CFAP299: variants seen among roughly 807,000 people sequenced by gnomAD.
The protein encoded by CFAP299 is cilia and flagella associated protein 299, also known as cilia- and flagella-associated protein 299.
A neutral mutation model predicts 27.0 loss-of-function variants in CFAP299; 21 were observed. The ratio of observed to expected loss-of-function variants is 0.78; its 90% CI spans 0.55 to 1.12. The LOEUF is 1.12. Ranked by LOEUF, CFAP299 falls within the 50% of genes most tolerant of loss-of-function variation. The pLI is 0.00. For missense variants in CFAP299, 310 were observed against 276.6 expected, an observed-to-expected ratio of 1.12 and a Z score of -0.86; for synonymous variants, 104 against 98.1, an observed-to-expected ratio of 1.06 and a Z score of -0.36.
intron 4 of CFAP299, among the ~76,000 whole-genome samples, chr4:80,878,720 G>A (rs1560459698): frequency 6.6e-6 from 1 of 152,062 alleles, no homozygotes; most frequent in African/African-American, 2.4e-5. Context: ...TAAATTAGAA[G>A]AAAGGATAGT....
At chr4:80,845,258 C>A (rs1187998331) in intron 3 of CFAP299, among the ~76,000 whole-genome samples, 2 of 149,632 alleles carry the variant, frequency 1.3e-5, no homozygotes. Flanking sequence ...TTCATACCAC[C>A]ATCTGCTCAA....
intron 3 of CFAP299, among the ~76,000 whole-genome samples, chr4:80,774,143 T>C (rs1330981528): frequency 1.3e-5 from 2 of 151,964 alleles, no homozygotes; most frequent in Non-Finnish European, 2.9e-5. Flanking sequence ...GTCAGATAAC[T>C]TAAAATTTGA....
At chr4:80,663,873 T>C (rs1038443539) in intron 3 of CFAP299, among the ~76,000 whole-genome samples, 9 of 152,228 alleles carry the variant, frequency 5.9e-5, no homozygotes, top group African/African-American at 9.6e-5. Flanking sequence ...GATTTGCATT[T>C]CTCTAATGAC....
chr4:80,723,911 CAAAT>C (rs1578060421), intron 3 of CFAP299, among the ~76,000 whole-genome samples: 1 of 151,772 alleles, frequency 6.6e-6, no homozygotes, highest in Non-Finnish European at 1.5e-5. Flanking sequence ...AAAATTTAAT[CAAAT>C]AAACAGTTTC....
intron 3 of CFAP299, among the ~76,000 whole-genome samples, chr4:80,721,061 T>A (rs137862018): frequency 1.2e-3 from 180 of 152,170 alleles, no homozygotes; most frequent in African/African-American, 4.2e-3. Flanking sequence ...CTTCAAAAAT[T>A]AAACACAGAA....
At chr4:80,536,944 G>A (rs530125115) in intron 2 of CFAP299, among the ~76,000 whole-genome samples, 1 of 152,106 alleles carries the variant, frequency 6.6e-6, no homozygotes, top group African/African-American at 2.4e-5. Context: ...GAAAATGGTT[G>A]CAAACCATAC....
At chr4:80,812,031 G>A (rs950654466) in intron 3 of CFAP299, among the ~76,000 whole-genome samples, 36 of 152,058 alleles carry the variant, frequency 2.4e-4, no homozygotes, top group Admixed American at 2.1e-3. Context: ...TAGCGGACAC[G>A]TAGTTTCAAC....
intron 2 of CFAP299, among the ~76,000 whole-genome samples, chr4:80,399,568 A>G (rs562956090): frequency 1.3e-5 from 2 of 152,106 alleles, no homozygotes; most frequent in African/African-American, 4.8e-5. Context: ...GGAAACCATC[A>G]TTCTCAGCAA....
At chr4:80,545,723 G>A (rs1046881589) in intron 2 of CFAP299, among the ~76,000 whole-genome samples, 2 of 152,136 alleles carry the variant, frequency 1.3e-5, no homozygotes, top group Non-Finnish European at 2.9e-5. Flanking sequence ...AAGGAGGAGG[G>A]ACTCCTCTCT....
chr4:80,861,465 C>T (rs1028740210), intron 3 of CFAP299, among the ~76,000 whole-genome samples: 15 of 152,178 alleles, frequency 9.9e-5, no homozygotes, highest in African/African-American at 3.6e-4. Context: ...GAACCCGGTA[C>T]CTCAGATGGA....
chr4:80,814,531 G>A (rs1729324040), intron 3 of CFAP299, among the ~76,000 whole-genome samples: 1 of 151,662 alleles, frequency 6.6e-6, no homozygotes, highest in Non-Finnish European at 1.5e-5. Flanking sequence ...CTCCCTAGTG[G>A]GTTTTTGTGT....
At chr4:80,643,653 G>A (rs1047594678) in intron 3 of CFAP299, among the ~76,000 whole-genome samples, 25 of 152,256 alleles carry the variant, frequency 1.6e-4, no homozygotes, top group African/African-American at 5.8e-4. Context: ...CATCCTATAT[G>A]ATAAGGGGAA....
In CFAP299 at chr4:80,550,196, A is replaced by G. The variant is rs144683554; in HGVS notation, c.243-32897A>G. Among the ~76,000 whole-genome samples the G allele has an allele frequency of 1.6e-3, 249 of 152,270 alleles. 4 individuals are homozygous for G. The highest frequency in any genetic ancestry group is 5.8e-3 in the African/African-American group (241 of 41,580). On this transcript the variant is annotated intron_variant, in intron 2 of 5. Transcript: ENST00000358105. ...CTGTCCATTACTATAGATTTTATTT[A>G]TCAATTCCACAATCATTTATTGAGC...
rs1276417011 is a variant in CFAP299 at position 80,583,093 on chromosome 4, G to T, written c.243G>T (p.Lys81Asn). The T allele has an allele frequency of 1.9e-6, 3 of 1,595,136 alleles. No homozygotes were observed. The highest frequency in any genetic ancestry group is 2.6e-6 in the Non-Finnish European group (3 of 1,168,102). Residue 81 changes from lysine (K) to asparagine (N), a missense_variant and splice_region_variant, in exon 3 of 6, where the codon AAG (lysine) becomes AAT (asparagine). Lys to Asn is a moderately conservative substitution (Grantham distance 94, BLOSUM62 0). Transcript: ENST00000358105. Reference protein sequence around the residue: ...IARLAERAQQKTLTSAGKDLQ... With the variant: ...IARLAERAQQNTLTSAGKDLQ... ...ATAACTGAAGATCTGCCTTTTACAG[G>T]ACGCTAACAAGTGCTGGTAAAGACC...
intron 2 of CFAP299, among the ~76,000 whole-genome samples, chr4:80,544,246 A>C (rs909530840): frequency 7.2e-5 from 11 of 152,336 alleles, no homozygotes; most frequent in African/African-American, 2.6e-4. Flanking sequence ...TGCAACCACA[A>C]AAACATACTT....
chr4:80,518,229 A>G (rs1298454068), intron 2 of CFAP299, among the ~76,000 whole-genome samples: 1 of 152,154 alleles, frequency 6.6e-6, no homozygotes, highest in Non-Finnish European at 1.5e-5. Flanking sequence ...TGAGAGCAAA[A>G]GCCTTCAATT....
Position 80,362,755 on chromosome 4 carries a change from AT to A in CFAP299, c.114del (p.Asp38GlufsTer11), listed in dbSNP as rs1170670571. On this transcript the variant is annotated frameshift_variant and splice_region_variant, in exon 2 of 6. Coordinates refer to ENST00000358105, the MANE Select transcript of CFAP299 (RefSeq NM_152770.3). LOFTEE classifies it high-confidence loss of function. ...ITTVDLYYLE[D>X]ETLARQLVEL... ...CCTAACAACTGATTTTCTCTCTAGG[AT>A]GAAACCCTGGCCCGCCAGTTGGTGG... The A allele has an allele frequency of 1.1e-5, 18 of 1,600,740 alleles. No homozygotes were observed. In the African/African-American group the frequency reaches 2.4e-4, roughly 22 times the overall value.
chr4:80,635,773 A>C (rs961082104), intron 3 of CFAP299, among the ~76,000 whole-genome samples: 1 of 152,156 alleles, frequency 6.6e-6, no homozygotes, highest in African/African-American at 2.4e-5. Context: ...TTTATGACCC[A>C]TGTAAGTACT....
chr4:80,553,374 A>G (rs1174094773), intron 2 of CFAP299, among the ~76,000 whole-genome samples: 1 of 152,144 alleles, frequency 6.6e-6, no homozygotes, highest in Non-Finnish European at 1.5e-5. Context: ...GGTACCAAAT[A>G]TGTACCAAAT....
Sources: allele counts gnomAD v4.1 joint callset (sites outside exome capture counted in the v4.1 genomes callset), GRCh38; gene constraint gnomAD v4.1.1; transcripts MANE v1.5; gene names NCBI Gene and HGNC (gene_info 2026-07-23, HGNC 2026-07-21).